The following ZSCAN5A variants were observed in gnomAD, a reference collection of about 807,000 sequenced individuals.
ZSCAN5A encodes the protein zinc finger and SCAN domain containing 5A.
A neutral mutation model predicts 23.7 loss-of-function variants in ZSCAN5A; 12 were observed. The observed-to-expected ratio is 0.51, with a 90% CI of 0.32 to 0.82. The LOEUF is 0.82. Among genes scored for constraint, ZSCAN5A ranks in the 40% least tolerant of loss-of-function variants. ZSCAN5A has a pLI of 0.03. For missense variants in ZSCAN5A, 597 were observed against 617.9 expected (o/e 0.97, Z 0.36); for synonymous variants, 257 against 239.9 (o/e 1.07, Z -0.66).
intron 2 of ZSCAN5A, among the ~76,000 whole-genome samples, chr19:56,300,995 T>C (rs781159998): frequency 1.3e-5 from 2 of 151,786 alleles, no homozygotes; most frequent in Non-Finnish European, 2.9e-5. Flanking sequence ...AAGGATGGCG[T>C]AGTGGGCAGA....
At chr19:56,242,512 G>C (rs902168854) in intron 2 of ZSCAN5A, among the ~76,000 whole-genome samples, 2 of 152,170 alleles carry the variant, frequency 1.3e-5, no homozygotes, top group African/African-American at 2.4e-5. Flanking sequence ...GGCTGTCTCT[G>C]TGTTCTGTAC....
In ZSCAN5A at chr19:56,302,783, T is replaced by A. The variant is rs1026901369; in HGVS notation, c.-128+10500A>T. ...CACTAACACAGCCCCAGGGGCTCCT[T>A]TGAAATACTGTCACTCATTCTGCCT... On this transcript the variant is annotated intron_variant, in intron 2 of 5. Coordinates refer to ENST00000683990, the MANE Select transcript of ZSCAN5A (RefSeq NM_001322064.3). 7.5e-6 allele frequency: 3 copies of A among 397,860 alleles called. No individual in the cohort carries two copies. The East Asian group carries it at 1.1e-4, about 14-fold the overall frequency. 24.6% of individuals were successfully genotyped at this position (397,860 alleles called of 1,614,324 possible).
chr19:56,308,529 G>T (rs1166912551), intron 2 of ZSCAN5A, among the ~76,000 whole-genome samples: 1 of 151,462 alleles, frequency 6.6e-6, no homozygotes, highest in Non-Finnish European at 1.5e-5. Context: ...TCACCATGTT[G>T]TCCAGGCTGG....
rs751080811 is a variant in ZSCAN5A, at chr19:56,222,756, C to T, written c.589-15G>A. On this transcript the variant is annotated splice_polypyrimidine_tract_variant and intron_variant, in intron 4 of 5. Coordinates refer to ENST00000683990, the MANE Select transcript of ZSCAN5A (RefSeq NM_001322064.3). ...AAGTCCTCTCCCTGAAGAGGAAAAA[C>T]CAAGAGTAATGACTGCTGTGTCCAA... 1 of 1,614,094 alleles carries T rather than the reference C, an allele frequency of 6.2e-7. No individual in the cohort carries two copies. The highest frequency in any genetic ancestry group is 8.5e-7 in the Non-Finnish European group (1 of 1,180,010).
chr19:56,336,892 A>G (rs1234146515), intron 2 of ZSCAN5A, among the ~76,000 whole-genome samples: 1 of 152,166 alleles, frequency 6.6e-6, no homozygotes, highest in African/African-American at 2.4e-5. Context: ...TGGCTGCAGA[A>G]CAGCGGATAT....
At chr19:56,334,847 A>C (rs2147441005) in intron 2 of ZSCAN5A, among the ~76,000 whole-genome samples, 1 of 152,378 alleles carries the variant, frequency 6.6e-6, no homozygotes, top group Non-Finnish European at 1.5e-5. Context: ...TGAGAAAAAA[A>C]TCAGCACAAG....
chr19:56,321,543 C>CT (rs111627536), intron 2 of ZSCAN5A: 50,577 of 746,334 alleles, frequency 0.068, 4,065 homozygotes, highest in East Asian at 0.27. Context: ...GTCTGGGTGT[C>CT]TGTCTTCTTA....
chr19:56,269,006 C>CTATATATATGGTAAAGTGTGGTAT (rs2037659326), intron 2 of ZSCAN5A, among the ~76,000 whole-genome samples: 1 of 152,086 alleles, frequency 6.6e-6, no homozygotes, highest in Non-Finnish European at 1.5e-5. Context: ...ATGGCTATAC[C>CTATATATATGGTAAAGTGTGGTAT]ACACTTTACC....
chr19:56,256,573 T>A lies in ZSCAN5A; in HGVS notation c.-127-31400A>T, dbSNP rs563520717. ...TATACATATATACATACATGCATTA[T>A]ATATATTGTATATACACATATCCAC... is the stretch of plus-strand genomic sequence containing the variant. On this transcript the variant is annotated intron_variant, in intron 2 of 5. Transcript: ENST00000683990. Among the ~76,000 whole-genome samples the A allele has an allele frequency of 1.6e-4, 24 of 152,372 alleles. 1 individual carries two copies. The South Asian group carries it at 5.0e-3, about 32-fold the overall frequency.
intron 2 of ZSCAN5A, chr19:56,298,270 A>G (rs2040008387): frequency 6.6e-6 from 1 of 152,180 alleles, no homozygotes; most frequent in Non-Finnish European, 1.5e-5. Flanking sequence ...ACTTTATGCC[A>G]ATAAAATTGA....
intron 2 of ZSCAN5A, among the ~76,000 whole-genome samples, chr19:56,289,609 T>C (rs1250907065): frequency 6.6e-6 from 1 of 152,024 alleles, no homozygotes; most frequent in Non-Finnish European, 1.5e-5. Flanking sequence ...TGGTGGTCTG[T>C]TTGTTTGTTT....
chr19:56,344,122 C>T (rs4801714), intron 2 of ZSCAN5A, among the ~76,000 whole-genome samples: 29,551 of 152,144 alleles, frequency 0.19, 3,785 homozygotes, highest in African/African-American at 0.37. Flanking sequence ...TCCATCTTGA[C>T]TCTAACCTCC....
At chr19:56,342,485 G>T in intron 2 of ZSCAN5A, 1 of 398,814 alleles carries the variant, frequency 2.5e-6, no homozygotes. Flanking sequence ...ATTCTGTGTG[G>T]GCTGGAACAG....
intron 2 of ZSCAN5A, among the ~76,000 whole-genome samples, chr19:56,358,886 G>A (rs1262700410): frequency 6.6e-6 from 1 of 152,166 alleles, no homozygotes; most frequent in African/African-American, 2.4e-5. Flanking sequence ...TGAGAACGAA[G>A]AGACAACATA....
intron 2 of ZSCAN5A, among the ~76,000 whole-genome samples, chr19:56,252,023 C>T (rs2036377652): frequency 1.3e-5 from 2 of 152,250 alleles, no homozygotes; most frequent in South Asian, 4.1e-4. Context: ...TTGACCACAA[C>T]ATGGGCCTAA....
At chr19:56,325,651 C>A (rs1484534190) in intron 2 of ZSCAN5A, among the ~76,000 whole-genome samples, 2 of 150,798 alleles carry the variant, frequency 1.3e-5, no homozygotes, top group Non-Finnish European at 3.0e-5. Context: ...CAGAAGTAGA[C>A]ACTTAAAAAA....
intron 2 of ZSCAN5A, chr19:56,246,768 A>G (rs751800674): frequency 2.5e-6 from 4 of 1,596,960 alleles, no homozygotes; most frequent in African/African-American, 2.7e-5. Flanking sequence ...AGGAACCCAA[A>G]AAAAGAGCCT....
At chr19:56,358,875 A>G (rs2041714692) in intron 2 of ZSCAN5A, among the ~76,000 whole-genome samples, 1 of 152,242 alleles carries the variant, frequency 6.6e-6, no homozygotes, top group South Asian at 2.1e-4. Context: ...TTTGAAACTA[A>G]TGAGAACGAA....
chr19:56,227,919 G>A (rs571171212), intron 2 of ZSCAN5A, among the ~76,000 whole-genome samples: 2 of 151,958 alleles, frequency 1.3e-5, no homozygotes, highest in African/African-American at 4.8e-5. Flanking sequence ...TTATCCAGTC[G>A]TTGTGGCATA....
Sources: gnomAD v4.1 joint callset for allele counts (sites outside exome capture counted in the v4.1 genomes callset) on GRCh38, gnomAD v4.1.1 for gene constraint, MANE v1.5 for transcripts, NCBI Gene and HGNC (gene_info 2026-07-23, HGNC 2026-07-21) for gene names.